The following DNM2 variants were observed in gnomAD, a reference collection of about 807,000 sequenced individuals.
DNM2 encodes dynamin-2.
A neutral mutation model predicts 99.0 loss-of-function variants in DNM2; 15 were observed. The ratio of observed to expected loss-of-function variants is 0.15; its 90% CI spans 0.10 to 0.23. The LOEUF (loss-of-function observed/expected upper bound fraction) is 0.23, where lower values mean the gene tolerates loss of function less well. Among genes scored for constraint, DNM2 ranks in the 10% least tolerant of loss-of-function variants. The probability of loss-of-function intolerance (pLI) is 1.00; values close to 1 mark genes in which losing one functional copy is unlikely to be tolerated. For missense variants in DNM2, 742 were observed against 1,189.4 expected (o/e 0.62, Z 5.53); for synonymous variants, 525 against 481.2 (o/e 1.09, Z -1.19).
At position 10,828,448 on chromosome 19, in the gene DNM2, G is replaced by A. The variant is rs372879614; in HGVS notation, c.2059-588G>A. Among the ~76,000 whole-genome samples, 11 of 152,048 alleles carry A rather than the reference G, an allele frequency of 7.2e-5. No homozygotes were observed. The South Asian group carries it at 1.5e-3, about 20-fold the overall frequency. The stretch of plus-strand genomic sequence containing the variant: ...TAAAAATACAAAAAATAAGCTGGGC[G>A]TGGTGGCAGGCGCCTGTAGTCCCAG... On this transcript the variant is annotated intron_variant, in intron 18 of 20. Transcript: ENST00000389253.
At chr19:10,741,640 C>G (rs2069753579) in intron 1 of DNM2, among the ~76,000 whole-genome samples, 1 of 151,840 alleles carries the variant, frequency 6.6e-6, no homozygotes, top group African/African-American at 2.4e-5. Context: ...AGCTCCGCCT[C>G]CCGGGTTCAC....
intron 5 of DNM2, among the ~76,000 whole-genome samples, chr19:10,779,872 T>G (rs1237373239): frequency 1.3e-5 from 2 of 152,046 alleles, no homozygotes; most frequent in African/African-American, 2.4e-5. Context: ...TAGGCTGGTC[T>G]TGAACTCCTG....
intron 1 of DNM2, among the ~76,000 whole-genome samples, chr19:10,741,993 T>G (rs907597578): frequency 2.0e-5 from 3 of 151,990 alleles, no homozygotes; most frequent in African/African-American, 7.2e-5. Context: ...CTACCCTTCT[T>G]TCTTTTCCTT....
chr19:10,802,408 C>G (rs1292532498), intron 12 of DNM2, 50 bp downstream of exon 12: 3 of 1,591,194 alleles, frequency 1.9e-6, no homozygotes, highest in Admixed American at 3.3e-5. Flanking sequence ...TCCTCACTCT[C>G]AGATCCAAGG....
chr19:10,720,909 T>C (rs2068917417), intron 1 of DNM2, among the ~76,000 whole-genome samples: 1 of 152,156 alleles, frequency 6.6e-6, no homozygotes, highest in African/African-American at 2.4e-5. Flanking sequence ...GGCATTGCTA[T>C]AATCCCCATT....
rs2146214089 is a variant in DNM2 at position 10,831,011 on chromosome 19, C to T, written c.2577C>T (p.Thr859=). 1 of 1,611,686 alleles carries T rather than the reference C, an allele frequency of 6.2e-7. No homozygotes were observed. The highest frequency in any genetic ancestry group is 8.5e-7 in the Non-Finnish European group (1 of 1,179,046). Residue 859 remains threonine, a synonymous_variant, in exon 21 of 21, where the codon ACC becomes ACT. Transcript: ENST00000389253. This position sits in a 1 kb window ranked among gnomAD's most constrained non-coding sequence, Gnocchi z 4.3. ...CCCCTGCTGCGCCCAGCCGGCCCACCATTATCCGCCCAGCCGAGCCATCCC... is the reference window on the plus strand; with the variant it reads ...CCCCTGCTGCGCCCAGCCGGCCCACTATTATCCGCCCAGCCGAGCCATCCC... The part of the protein sequence containing the change: ...RRPPAAPSRP[T]IIRPAEPSLL...
At chr19:10,724,632 G>C (rs1270320686) in intron 1 of DNM2, among the ~76,000 whole-genome samples, 1 of 152,196 alleles carries the variant, frequency 6.6e-6, no homozygotes, top group Non-Finnish European at 1.5e-5. Flanking sequence ...AGTGGAGGGA[G>C]ATCAGATCTG....
At chr19:10,780,884 G>A (rs1372781717) in intron 5 of DNM2, among the ~76,000 whole-genome samples, 1 of 152,074 alleles carries the variant, frequency 6.6e-6, no homozygotes, top group African/African-American at 2.4e-5. Context: ...TGGGTGTGTT[G>A]GTGCATGCCT....
chr19:10,805,645 C>T (rs1033734591), intron 12 of DNM2, among the ~76,000 whole-genome samples: 3 of 152,134 alleles, frequency 2.0e-5, no homozygotes, highest in African/African-American at 7.2e-5. Flanking sequence ...TTAGAAACTC[C>T]GGGATTCTAG....
chr19:10,822,546 C>G (rs1261301743), intron 16 of DNM2, among the ~76,000 whole-genome samples: 1 of 151,352 alleles, frequency 6.6e-6, no homozygotes, highest in Non-Finnish European at 1.5e-5. Context: ...GTCGCCCAGG[C>G]TGGAGACAGT....
At chr19:10,751,793 C>T (rs911842643) in intron 1 of DNM2, among the ~76,000 whole-genome samples, 2 of 152,270 alleles carry the variant, frequency 1.3e-5, no homozygotes, top group Admixed American at 6.5e-5. Flanking sequence ...CTGTGCCCTC[C>T]TGTGCCCGAC....
At chr19:10,779,450 G>T (rs981070471) in intron 5 of DNM2, among the ~76,000 whole-genome samples, 6 of 142,568 alleles carry the variant, frequency 4.2e-5, no homozygotes, top group Non-Finnish European at 7.6e-5. Flanking sequence ...TGACATCAGG[G>T]TTCACTCTTG....
At position 10,777,103 on chromosome 19, in the gene DNM2, T is replaced by C. The variant is rs771643139; in HGVS notation, c.590-15T>C. ...TGGTGGCAGCCTCTGACCTCTGACC[T>C]CTGGGCTCTTTCAGGCCTACGGACC... On this transcript the variant is annotated splice_polypyrimidine_tract_variant and intron_variant, in intron 4 of 20. Coordinates refer to ENST00000389253, the MANE Select transcript of DNM2 (RefSeq NM_001005361.3). The C allele has an allele frequency of 1.2e-6, 2 of 1,614,062 alleles. No individual in the cohort carries two copies. Among genetic ancestry groups the C allele is most frequent in the East Asian group, 2.2e-5 (1 of 44,874 alleles).
chr19:10,795,745 C>T lies in DNM2; in HGVS notation c.1196+306C>T, dbSNP rs772051131. The T allele has an allele frequency of 1.2e-5, 7 of 579,972 alleles. No individual in the cohort carries two copies. The highest frequency in any genetic ancestry group is 2.1e-5 in the Non-Finnish European group (7 of 325,832). The allele number at this position is 579,972 out of a possible 1,614,324, so 35.9% of individuals were successfully genotyped here. ...ACTAAGAATGCTCACTGCAGATTTG[C>T]CTGGGGAGGGGCGGGGCGGCACTGA... On this transcript the variant is annotated intron_variant, in intron 9 of 20. Coordinates refer to ENST00000389253, the MANE Select transcript of DNM2 (RefSeq NM_001005361.3). This position sits in a 1 kb window ranked among gnomAD's most constrained non-coding sequence, Gnocchi z 4.2.
chr19:10,786,981 G>A (rs539227215), intron 7 of DNM2, among the ~76,000 whole-genome samples: 1 of 152,360 alleles, frequency 6.6e-6, no homozygotes, highest in Non-Finnish European at 1.5e-5. Context: ...TGTGTTAAAT[G>A]TCAAAATATG....
intron 1 of DNM2, among the ~76,000 whole-genome samples, chr19:10,733,230 C>G (rs1010368980): frequency 1.5e-5 from 2 of 137,730 alleles, no homozygotes; most frequent in African/African-American, 5.5e-5. Context: ...CCCACTCTTT[C>G]ACCCAGGTTG....
chr19:10,785,776 CT>C, intron 6 of DNM2, among the ~76,000 whole-genome samples: 1 of 152,248 alleles, frequency 6.6e-6, no homozygotes, highest in Admixed American at 6.5e-5. Flanking sequence ...CTGCTTTACA[CT>C]TTGCAAGTAT....
chr19:10,759,415 G>A (rs949435436), intron 1 of DNM2, among the ~76,000 whole-genome samples: 3 of 152,166 alleles, frequency 2.0e-5, no homozygotes, highest in Non-Finnish European at 2.9e-5. Context: ...AAAACACATA[G>A]GAAATGTGTT....
At chr19:10,759,955 A>G in intron 2 of DNM2, 144 bp downstream of exon 2, 1 of 1,189,744 alleles carries the variant, frequency 8.4e-7, no homozygotes, top group South Asian at 1.2e-5. Flanking sequence ...GAGGAAATTG[A>G]AAAACGGCTC....
Sources: gnomAD v4.1 joint callset for allele counts (sites outside exome capture counted in the v4.1 genomes callset) on GRCh38, gnomAD v4.1.1 for gene constraint, Gnocchi (gnomAD v3.1) non-coding constraint, MANE v1.5 for transcripts, NCBI Gene and HGNC (gene_info 2026-07-23, HGNC 2026-07-21) for gene names.